DRC11: variants seen among roughly 807,000 people sequenced by gnomAD.
DRC11 encodes the protein IQ and AAA domain-containing protein 1.
the DRC11 span, among the ~76,000 whole-genome samples, chr2:236,327,646 G>C: frequency 6.6e-6 from 1 of 151,938 alleles, no homozygotes; most frequent in East Asian, 1.9e-4. Flanking sequence ...TTTCTCTTTA[G>C]TTTTGTCCAG....
At chr2:236,429,380 G>C in the DRC11 span, among the ~76,000 whole-genome samples, 2 of 152,336 alleles carry the variant, frequency 1.3e-5, no homozygotes, top group Admixed American at 1.3e-4. This position sits in a 1 kb window ranked among gnomAD's most constrained non-coding sequence, Gnocchi z 5.9. Context: ...GCATCTTTAG[G>C]CTGAGCTGGA....
the DRC11 span, among the ~76,000 whole-genome samples, chr2:236,323,468 T>C: frequency 3.9e-5 from 6 of 151,990 alleles, no homozygotes; most frequent in African/African-American, 7.3e-5. The surrounding 1 kb of genome is among the most constrained non-coding windows in gnomAD (Gnocchi z 6.4). Context: ...TCGTGGGGAG[T>C]GCGGAACTGT....
chr2:236,398,605 A>T, the DRC11 span, among the ~76,000 whole-genome samples: 1 of 152,250 alleles, frequency 6.6e-6, no homozygotes, highest in East Asian at 1.9e-4. The surrounding 1 kb of genome is among the most constrained non-coding windows in gnomAD (Gnocchi z 6.2). Flanking sequence ...CTGTGTTTGG[A>T]TTTATCTTGA....
the DRC11 span, chr2:236,408,442 A>G: frequency 8.1e-6 from 6 of 740,520 alleles, no homozygotes; most frequent in Admixed American, 5.2e-5. The surrounding 1 kb of genome is among the most constrained non-coding windows in gnomAD (Gnocchi z 5.5). Context: ...ATCCTGCCCA[A>G]ACACTTGGTT....
chr2:236,485,228 C>CAT, the DRC11 span, among the ~76,000 whole-genome samples: 2 of 151,670 alleles, frequency 1.3e-5, no homozygotes, highest in Admixed American at 6.6e-5. Flanking sequence ...TATATGACTA[C>CAT]ATATATATAT....
At chr2:236,378,788 G>A in the DRC11 span, among the ~76,000 whole-genome samples, 1 of 152,120 alleles carries the variant, frequency 6.6e-6, no homozygotes, top group Non-Finnish European at 1.5e-5. Context: ...TCTGCCCCAG[G>A]AGGTGCCGGT....
At chr2:236,450,350 C>T in the DRC11 span, among the ~76,000 whole-genome samples, 185 of 114,398 alleles carry the variant, frequency 1.6e-3, 1 homozygote, top group Middle Eastern at 0.053. Context: ...GACGGGGTCT[C>T]GCTCTGTTGC....
At chr2:236,386,202 T>C in the DRC11 span, among the ~76,000 whole-genome samples, 2 of 150,456 alleles carry the variant, frequency 1.3e-5, no homozygotes, top group African/African-American at 4.8e-5. Flanking sequence ...GGATTCCCTC[T>C]TTTTCTATTG....
At chr2:236,434,226 C>A in the DRC11 span, among the ~76,000 whole-genome samples, 2 of 151,992 alleles carry the variant, frequency 1.3e-5, no homozygotes, top group Non-Finnish European at 2.9e-5. This position sits in a 1 kb window ranked among gnomAD's most constrained non-coding sequence, Gnocchi z 5.5. Flanking sequence ...TGTGTTCAAT[C>A]TTTTTTGGGG....
chr2:236,433,070 A>G, the DRC11 span, among the ~76,000 whole-genome samples: 1 of 151,150 alleles, frequency 6.6e-6, no homozygotes, highest in South Asian at 2.1e-4. Context: ...TTCCGTATGT[A>G]TTTGGGTCTA....
the DRC11 span, among the ~76,000 whole-genome samples, chr2:236,366,822 T>TTCTCTCTCTC: frequency 7.0e-6 from 1 of 141,878 alleles, no homozygotes; most frequent in African/African-American, 2.6e-5. Context: ...CTCTCTCTCT[T>TTCTCTCTCTC]TCTCTCTCTC....
chr2:236,317,302 A>T, the DRC11 span, among the ~76,000 whole-genome samples: 1 of 151,762 alleles, frequency 6.6e-6, no homozygotes, highest in African/African-American at 2.4e-5. The surrounding 1 kb of genome is among the most constrained non-coding windows in gnomAD (Gnocchi z 5.4). Context: ...ATCGGGGGAA[A>T]AAAAAAAAAA....
chr2:236,419,983 G>C, the DRC11 span, among the ~76,000 whole-genome samples: 1 of 152,242 alleles, frequency 6.6e-6, no homozygotes, highest in East Asian at 1.9e-4. The surrounding 1 kb of genome is among the most constrained non-coding windows in gnomAD (Gnocchi z 4.8). Flanking sequence ...TTCCTGTTTG[G>C]CCCCCAGGGC....
the DRC11 span, among the ~76,000 whole-genome samples, chr2:236,379,958 G>C: frequency 6.6e-6 from 1 of 152,352 alleles, no homozygotes; most frequent in African/African-American, 2.4e-5. Flanking sequence ...CCTATGGGAA[G>C]AAAAATATAC....
the DRC11 span, among the ~76,000 whole-genome samples, chr2:236,358,486 G>A: frequency 7.0e-6 from 1 of 143,212 alleles, no homozygotes; most frequent in African/African-American, 2.6e-5. Context: ...TTTGACAAAT[G>A]ATGAACATGC....
the DRC11 span, among the ~76,000 whole-genome samples, chr2:236,341,398 G>A: frequency 6.6e-5 from 10 of 152,364 alleles, no homozygotes; most frequent in African/African-American, 1.9e-4. Context: ...TGGTCCAGGC[G>A]TCTGCAGGGG....
At chr2:236,419,009 G>A in the DRC11 span, 4 of 1,316,690 alleles carry the variant, frequency 3.0e-6, no homozygotes, top group Non-Finnish European at 4.0e-6. The surrounding 1 kb of genome is among the most constrained non-coding windows in gnomAD (Gnocchi z 4.8). Context: ...CTGAAAACCT[G>A]TTGGTAGATA....
At chr2:236,382,379 T>C in the DRC11 span, among the ~76,000 whole-genome samples, 1 of 152,366 alleles carries the variant, frequency 6.6e-6, no homozygotes, top group African/African-American at 2.4e-5. Context: ...TTGAGTAAAT[T>C]GGTCCTTCTC....
chr2:236,488,059 A>G, the DRC11 span: 1 of 1,606,214 alleles, frequency 6.2e-7, no homozygotes. Context: ...AGCATCTTGG[A>G]TTGCTTTGCT....
Sources: allele counts gnomAD v4.1 joint callset (sites outside exome capture counted in the v4.1 genomes callset), GRCh38; gene constraint gnomAD v4.1.1; non-coding constraint Gnocchi (gnomAD v3.1); transcripts MANE v1.5; gene names NCBI Gene and HGNC (gene_info 2026-07-23, HGNC 2026-07-21).